Variants in MEF2C observed in about 807,000 individuals in gnomAD.
The protein encoded by MEF2C is myocyte-specific enhancer factor 2C.
Under a neutral mutation model 50.5 loss-of-function variants are expected in MEF2C, and 6 were observed. The ratio of observed to expected loss-of-function variants is 0.12; its 90% confidence interval spans 0.07 to 0.23. MEF2C has a LOEUF of 0.23. Ranked by LOEUF, MEF2C falls within the 10% of genes least tolerant of loss-of-function variation. The probability of loss-of-function intolerance (pLI) is 1.00; values close to 1 mark genes in which losing one functional copy is unlikely to be tolerated. For synonymous variants in MEF2C, 183 were observed against 228.0 expected, an observed-to-expected ratio of 0.80 and a Z score of 1.78; for missense variants, 276 against 605.0, an observed-to-expected ratio of 0.46 and a Z score of 5.70.
chr5:88,795,895 A>G (rs1795831256), intron 3 of MEF2C, among the ~76,000 whole-genome samples: 1 of 152,174 alleles, frequency 6.6e-6, no homozygotes, highest in Admixed American at 6.5e-5. Context: ...CTATTGAGAT[A>G]ATGGTGTGGT....
chr5:88,839,715 G>C (rs770874345), intron 1 of MEF2C: 1 of 152,018 alleles, frequency 6.6e-6, no homozygotes, highest in African/African-American at 2.4e-5. Flanking sequence ...ATTATTATTT[G>C]GTCACAATCC....
chr5:88,886,563 C>A (rs1039260655), upstream of MEF2C, among the ~76,000 whole-genome samples: 3 of 152,116 alleles, frequency 2.0e-5, no homozygotes. Context: ...AATGTTTCTA[C>A]CCTTTAAACC....
intron 3 of MEF2C, among the ~76,000 whole-genome samples, chr5:88,775,086 C>A (rs1289696300): frequency 6.6e-6 from 1 of 152,082 alleles, no homozygotes; most frequent in Admixed American, 6.6e-5. Context: ...AATTAGAGGG[C>A]CTTTATTTGC....
rs1261208717 is a variant in MEF2C at position 88,722,256 on chromosome 5, C to T, written c.*348G>A. ...GATCTGCCGCTTTTGGCAAATGTTT[C>T]CTTTTGTCTATTTACATGTAAATAA... On this transcript the variant is annotated 3_prime_UTR_variant, in exon 11 of 11. Transcript: ENST00000504921. The T allele has an allele frequency of 1.0e-5, 2 of 190,780 alleles. No homozygotes were observed. Among genetic ancestry groups the T allele is most frequent in the East Asian group, 2.6e-4 (2 of 7,802 alleles). The allele number at this position is 190,780 out of a possible 1,614,324, so 11.8% of individuals were successfully genotyped here.
At chr5:88,800,876 T>G (rs1396079937) in intron 3 of MEF2C, among the ~76,000 whole-genome samples, 9 of 152,220 alleles carry the variant, frequency 5.9e-5, no homozygotes, top group Admixed American at 5.9e-4. Flanking sequence ...ATTTATATAT[T>G]GTATCTAAAC....
intron 1 of MEF2C, among the ~76,000 whole-genome samples, chr5:88,854,434 T>C (rs1026726212): frequency 6.6e-6 from 1 of 152,170 alleles, no homozygotes; most frequent in African/African-American, 2.4e-5. Flanking sequence ...AAAAATTAAC[T>C]TTAGTACAAT....
intron 6 of MEF2C, chr5:88,739,161 G>A: frequency 1.0e-6 from 1 of 982,348 alleles, no homozygotes; most frequent in South Asian, 4.7e-5. Flanking sequence ...TGTTACCCGG[G>A]AAATAACTTC....
intron 3 of MEF2C, among the ~76,000 whole-genome samples, chr5:88,766,414 CT>C (rs1252626437): frequency 1.3e-5 from 2 of 151,840 alleles, no homozygotes; most frequent in Admixed American, 6.6e-5. Flanking sequence ...AAATTTTTTC[CT>C]TTTATTCTTT....
chr5:88,788,174 G>GTTTATTTA (rs1462937731), intron 3 of MEF2C, among the ~76,000 whole-genome samples: 24 of 115,668 alleles, frequency 2.1e-4, no homozygotes, highest in Admixed American at 5.9e-4. Flanking sequence ...CAGTTTGTTT[G>GTTTATTTA]TTTGTTTATT....
chr5:88,844,656 A>T (rs924413490), intron 1 of MEF2C: 1 of 730,314 alleles, frequency 1.4e-6, no homozygotes, highest in African/African-American at 1.9e-5. Context: ...TCTGATTCAA[A>T]TTATATTTCT....
At chr5:88,891,980 G>A (rs1354591330) in intron 1 of MEF2C, among the ~76,000 whole-genome samples, 1 of 151,746 alleles carries the variant, frequency 6.6e-6, no homozygotes, top group Non-Finnish European at 1.5e-5. Flanking sequence ...GTCCAAATAA[G>A]AGTACTTATG....
chr5:88,780,994 C>T, intron 3 of MEF2C: 2 of 958,010 alleles, frequency 2.1e-6, no homozygotes, highest in Non-Finnish European at 2.5e-6. Flanking sequence ...TTGGGCAAGC[C>T]CCTCTATTTG....
intron 1 of MEF2C, chr5:88,824,317 T>C: frequency 1.0e-6 from 1 of 985,252 alleles, no homozygotes; most frequent in Non-Finnish European, 1.2e-6. Context: ...TACCTGTGTA[T>C]GCTAAGTAGG....
intron 3 of MEF2C, among the ~76,000 whole-genome samples, chr5:88,762,485 C>G (rs1778298376): frequency 6.6e-6 from 1 of 152,082 alleles, no homozygotes. Flanking sequence ...CCAGGTTGGT[C>G]TCAAATTCCT....
At chr5:88,751,217 A>C (rs1475304254) in intron 5 of MEF2C, 2 of 983,518 alleles carry the variant, frequency 2.0e-6, no homozygotes, top group African/African-American at 3.5e-5. Context: ...CTGAGAAATA[A>C]TTTATTTTTC....
At chr5:88,736,772 G>A (rs1331675070) in intron 6 of MEF2C, 74 of 985,250 alleles carry the variant, frequency 7.5e-5, no homozygotes, top group Non-Finnish European at 8.7e-5. Context: ...TCTCAGAACT[G>A]TCTACAGTTG....
rs567755359 is a variant in MEF2C at position 88,740,573 on chromosome 5, T to C, written c.637+8497A>G. 13 of 985,036 alleles carry C rather than the reference T, an allele frequency of 1.3e-5. No homozygotes were observed. In the South Asian group the frequency reaches 5.6e-4, roughly 43 times the overall value. 61.0% of individuals were successfully genotyped at this position (985,036 alleles called of 1,614,324 possible). On this transcript the variant is annotated intron_variant, in intron 6 of 10. Coordinates refer to ENST00000504921, the MANE Select transcript of MEF2C (RefSeq NM_002397.5). The stretch of plus-strand genomic sequence containing the variant: ...AAGAGGCTTTGATTTGAATCCAAAA[T>C]GCAGGTTGCTACCACTACATTACAA...
At chr5:88,822,668 T>A (rs2153220139) in intron 2 of MEF2C, among the ~76,000 whole-genome samples, 1 of 152,118 alleles carries the variant, frequency 6.6e-6, no homozygotes, top group East Asian at 1.9e-4. Flanking sequence ...ATCAATCAGT[T>A]CTAGTCCTAT....
Position 88,746,790 on chromosome 5 carries a change from T to C in MEF2C, c.637+2280A>G, listed in dbSNP as rs929217601. On this transcript the variant is annotated intron_variant, in intron 6 of 10. Transcript: ENST00000504921. The stretch of plus-strand genomic sequence containing the variant: ...TATGAGTAGGACATGACAGCTAAGC[T>C]TGAGACTAAGTGGCATCTGCAACAG... 4 of 674,154 alleles carry C rather than the reference T, an allele frequency of 5.9e-6. No individual in the cohort carries two copies. In the African/African-American group the frequency reaches 7.8e-5, roughly 13 times the overall value. 41.8% of individuals were successfully genotyped at this position (674,154 alleles called of 1,614,324 possible). A position where few individuals can be genotyped will look rare whatever the true frequency, so the allele number is the denominator to read the frequency against.
Sources: gnomAD v4.1 joint callset for allele counts (sites outside exome capture counted in the v4.1 genomes callset) on GRCh38, gnomAD v4.1.1 for gene constraint, MANE v1.5 for transcripts, NCBI Gene and HGNC (gene_info 2026-07-23, HGNC 2026-07-21) for gene names.